The following GABRB1 variants were observed in gnomAD, a reference collection of about 807,000 sequenced individuals.
GABRB1 encodes gamma-aminobutyric acid receptor subunit beta-1.
GABRB1 carries 17 observed loss-of-function variants against 51.6 expected under a neutral mutation model. The observed-to-expected ratio is 0.33, with a 90% CI of 0.23 to 0.49. The LOEUF is 0.49. Ranked by LOEUF, GABRB1 falls within the 20% of genes least tolerant of loss-of-function variation. GABRB1 has a pLI of 0.99. For synonymous variants in GABRB1, 247 were observed against 218.9 expected (o/e 1.13, Z -1.14); for missense variants, 410 against 600.6 (o/e 0.68, Z 3.32).
chr4:47,170,569 T>A (rs891347073), intron 4 of GABRB1, among the ~76,000 whole-genome samples: 30 of 152,140 alleles, frequency 2.0e-4, no homozygotes, highest in Admixed American at 1.5e-3. Context: ...TATGATTACA[T>A]TCAAAAGTCC....
At chr4:47,391,167 C>G (rs539726732) in intron 5 of GABRB1, among the ~76,000 whole-genome samples, 1 of 152,050 alleles carries the variant, frequency 6.6e-6, no homozygotes, top group Non-Finnish European at 1.5e-5. Flanking sequence ...AAGAGCAAGA[C>G]TCCGTCTCAA....
At chr4:46,999,482 A>T (rs1240139517) in intron 1 of GABRB1, among the ~76,000 whole-genome samples, 2 of 152,232 alleles carry the variant, frequency 1.3e-5, no homozygotes, top group African/African-American at 4.8e-5. Flanking sequence ...AACAAATTAA[A>T]TGTCATTTAA....
chr4:47,213,922 T>C (rs6447541), intron 4 of GABRB1, among the ~76,000 whole-genome samples: 30,965 of 151,854 alleles, frequency 0.2, 3,318 homozygotes, highest in East Asian at 0.25. Context: ...GCATATCTTA[T>C]TATTTTGTGA....
intron 4 of GABRB1, among the ~76,000 whole-genome samples, chr4:47,278,436 G>A (rs1723161948): frequency 6.6e-6 from 1 of 152,102 alleles, no homozygotes. Flanking sequence ...ATTTGCAGGA[G>A]GTGTATAAGA....
At chr4:47,180,408 T>C (rs1411912987) in intron 4 of GABRB1, among the ~76,000 whole-genome samples, 2 of 152,046 alleles carry the variant, frequency 1.3e-5, no homozygotes. Flanking sequence ...AAAACATTAA[T>C]GTTAAAAATA....
At chr4:47,034,439 T>C (rs527456162) in intron 3 of GABRB1, among the ~76,000 whole-genome samples, 8 of 152,278 alleles carry the variant, frequency 5.3e-5, no homozygotes, top group African/African-American at 1.9e-4. Flanking sequence ...TACAGTCTGT[T>C]TACTCACAGC....
intron 3 of GABRB1, among the ~76,000 whole-genome samples, chr4:47,039,508 T>A (rs1443763712): frequency 6.6e-6 from 1 of 151,690 alleles, no homozygotes; most frequent in Non-Finnish European, 1.5e-5. Context: ...TTGAAAAGCA[T>A]ATTTTTGGAA....
chr4:47,052,417 C>T (rs1223652939), intron 3 of GABRB1, among the ~76,000 whole-genome samples: 4 of 152,192 alleles, frequency 2.6e-5, no homozygotes, highest in South Asian at 2.1e-4. Context: ...GATACCCACA[C>T]AAACAAACAC....
intron 3 of GABRB1, among the ~76,000 whole-genome samples, chr4:47,115,496 A>AT (rs1477929934): frequency 2.0e-4 from 29 of 142,910 alleles, no homozygotes; most frequent in African/African-American, 5.8e-4. Flanking sequence ...ACTTTTTATG[A>AT]TTTTTTAAAT....
chr4:47,336,280 A>T (rs1205286640), intron 5 of GABRB1, among the ~76,000 whole-genome samples: 1 of 152,212 alleles, frequency 6.6e-6, no homozygotes, highest in Non-Finnish European at 1.5e-5. Context: ...GGCATTTCCA[A>T]GGTAATTAGT....
intron 5 of GABRB1, among the ~76,000 whole-genome samples, chr4:47,391,090 T>C (rs979407857): frequency 1.2e-4 from 18 of 152,104 alleles, no homozygotes; most frequent in Admixed American, 1.0e-3. Flanking sequence ...GCAGGAGAAT[T>C]GCTTGAACAT....
rs1297825579 is a variant in GABRB1 at position 47,031,896 on chromosome 4, C to G, written c.81-18C>G. The stretch of plus-strand genomic sequence containing the variant: ...GTTTGTGCTCATTTTGAATACGGTC[C>G]CTACTTCTTCCCCTTAGCACCAATG... On this transcript the variant is annotated intron_variant, in intron 1 of 8. Transcript: ENST00000295454. The G allele has an allele frequency of 6.2e-7, 1 of 1,607,208 alleles. No individual in the cohort carries two copies. Among genetic ancestry groups the G allele is most frequent in the African/African-American group, 1.3e-5 (1 of 74,582 alleles).
intron 1 of GABRB1, among the ~76,000 whole-genome samples, chr4:47,019,971 A>C (rs1370974025): frequency 1.4e-5 from 2 of 144,204 alleles, no homozygotes. Context: ...TATTTTGTAG[A>C]GACAGGGTTT....
At chr4:47,311,069 AAAAAAAAAAAAAAACATG>A (rs1724652222) in intron 4 of GABRB1, among the ~76,000 whole-genome samples, 1 of 148,874 alleles carries the variant, frequency 6.7e-6, no homozygotes, top group Non-Finnish European at 1.5e-5. Context: ...TCAAAAAAAA[AAAAAAAAAAAAAAACATG>A]AAAAGAAAAA....
chr4:47,268,861 A>G (rs1035183846), intron 4 of GABRB1, among the ~76,000 whole-genome samples: 2 of 152,188 alleles, frequency 1.3e-5, no homozygotes, highest in African/African-American at 4.8e-5. Context: ...TGCACTGTAC[A>G]TGTTATCATT....
intron 5 of GABRB1, among the ~76,000 whole-genome samples, chr4:47,352,828 A>G (rs996259741): frequency 2.0e-5 from 3 of 152,198 alleles, no homozygotes; most frequent in African/African-American, 7.2e-5. Context: ...TGGTGAGAAG[A>G]GAGTATAGGA....
intron 4 of GABRB1, among the ~76,000 whole-genome samples, chr4:47,281,254 CAAAAG>C (rs1288945404): frequency 6.6e-6 from 1 of 152,046 alleles, no homozygotes; most frequent in African/African-American, 2.4e-5. Flanking sequence ...AGACATTTCT[CAAAAG>C]AAGAGATTCA....
At chr4:47,092,712 A>G (rs967397356) in intron 3 of GABRB1, among the ~76,000 whole-genome samples, 4 of 151,332 alleles carry the variant, frequency 2.6e-5, no homozygotes, top group Admixed American at 2.0e-4. Context: ...TCCCAGGTTC[A>G]AGCAATTCTC....
intron 3 of GABRB1, among the ~76,000 whole-genome samples, chr4:47,048,572 A>T (rs1479779237): frequency 6.6e-6 from 1 of 152,184 alleles, no homozygotes; most frequent in Non-Finnish European, 1.5e-5. Flanking sequence ...CCAGGAAAAA[A>T]GATAACCCAT....
Sources: allele counts gnomAD v4.1 joint callset (sites outside exome capture counted in the v4.1 genomes callset), GRCh38; gene constraint gnomAD v4.1.1; transcripts MANE v1.5; gene names NCBI Gene and HGNC (gene_info 2026-07-23, HGNC 2026-07-21).